The following MAP3K19 variants were observed in gnomAD, a reference collection of about 807,000 sequenced individuals.
The protein encoded by MAP3K19 is SPS1/STE20-related protein kinase YSK4.
In MAP3K19, 91 loss-of-function variants were observed where a neutral mutation model predicts 114.4. That is an observed-to-expected ratio of 0.80 (90% confidence interval 0.67 to 0.95). The LOEUF (loss-of-function observed/expected upper bound fraction) is 0.95. MAP3K19 is among the 40% of genes least tolerant of loss of function. The pLI is 0.00. For synonymous variants in MAP3K19, 518 were observed against 530.5 expected, an observed-to-expected ratio of 0.98 and a Z score of 0.32; for missense variants, 1,471 against 1,573.2, an observed-to-expected ratio of 0.94 and a Z score of 1.10.
chr2:135,030,890 C>T (rs959374027), intron 2 of MAP3K19, among the ~76,000 whole-genome samples: 2 of 152,142 alleles, frequency 1.3e-5, no homozygotes, highest in Admixed American at 1.3e-4. Flanking sequence ...CTGTGAATAG[C>T]CACTGCACTC....
chr2:135,007,932 G>T lies in MAP3K19; in HGVS notation c.139-2401C>A, dbSNP rs58916650. 4.3e-3 allele frequency among the ~76,000 whole-genome samples: 658 copies of T among 152,192 alleles called. 4 individuals are homozygous for T. Among genetic ancestry groups the T allele is most frequent in the African/African-American group, 0.015 (632 of 41,492 alleles). On this transcript the variant is annotated intron_variant, in intron 5 of 12. Coordinates refer to ENST00000392915, the MANE Select transcript of MAP3K19 (RefSeq NM_025052.5). ...ACCTGACAACCAAAGAGCAAACACT[G>T]TTAACACAGGAATCATATTTTCTTT...
At chr2:135,021,889 G>A in intron 4 of MAP3K19, 59 bp from the exon 5 acceptor site, 1 of 1,075,884 alleles carries the variant, frequency 9.3e-7, no homozygotes, top group Non-Finnish European at 1.4e-6. Flanking sequence ...AATTTCAAAA[G>A]AAGATCTAGC....
At chr2:134,965,451 T>A (rs1298316793) in intron 12 of MAP3K19, among the ~76,000 whole-genome samples, 1 of 152,246 alleles carries the variant, frequency 6.6e-6, no homozygotes, top group Non-Finnish European at 1.5e-5. Flanking sequence ...AGTACTATTG[T>A]GGCATAGTTT....
intron 5 of MAP3K19, among the ~76,000 whole-genome samples, chr2:135,009,189 T>G (rs1456339005): frequency 6.6e-6 from 1 of 151,346 alleles, no homozygotes; most frequent in African/African-American, 2.4e-5. Flanking sequence ...GGTCTCGATC[T>G]CCTGATCTCA....
In MAP3K19 at chr2:134,998,936, T is replaced by A. The variant is rs6715812; in HGVS notation, c.376A>T (p.Ile126Leu). The A allele has an allele frequency of 1.7e-3, 2,726 of 1,614,224 alleles. 33 individuals carry two copies. The African/African-American group carries it at 0.028, about 16-fold the overall frequency. The change falls in exon 8 of 13, where the codon ATA becomes TTA. Residue 126 changes from isoleucine to leucine, a missense_variant. Ile to Leu is a conservative substitution (Grantham distance 5). Coordinates refer to ENST00000392915, the MANE Select transcript of MAP3K19 (RefSeq NM_025052.5). ...QAHAVSHPNE[I>L]ETVELRKKKL... ...TTTTTCCTGAGCTCCACCGTTTCTA[T>A]TTCATTTGGATGAGAAACTGCATGT... is the stretch of plus-strand genomic sequence containing the variant.
chr2:135,037,415 T>C (rs1688556758), intron 2 of MAP3K19, among the ~76,000 whole-genome samples: 1 of 152,340 alleles, frequency 6.6e-6, no homozygotes, highest in Admixed American at 6.5e-5. Flanking sequence ...GGAGTTCTGT[T>C]GACAGTAGCT....
intron 2 of MAP3K19, among the ~76,000 whole-genome samples, chr2:135,040,065 G>A (rs1372790506): frequency 6.6e-6 from 1 of 152,182 alleles, no homozygotes; most frequent in African/African-American, 2.4e-5. Context: ...GGTCCATCAT[G>A]TGGCGCCATT....
chr2:135,031,191 G>A (rs74610439), intron 2 of MAP3K19, among the ~76,000 whole-genome samples: 1 of 151,748 alleles, frequency 6.6e-6, no homozygotes, highest in Middle Eastern at 3.2e-3. Context: ...GCAACATGGG[G>A]TGATAAATGT....
intron 9 of MAP3K19, among the ~76,000 whole-genome samples, chr2:134,988,871 T>C (rs985580583): frequency 2.6e-5 from 4 of 152,192 alleles, no homozygotes; most frequent in African/African-American, 9.7e-5. Flanking sequence ...ATTTCTCTTC[T>C]TTTTTCTTTT....
At chr2:135,013,312 A>C (rs1421957538) in intron 5 of MAP3K19, among the ~76,000 whole-genome samples, 11 of 133,092 alleles carry the variant, frequency 8.3e-5, no homozygotes, top group South Asian at 2.5e-4. Context: ...AGTCCGTCCC[A>C]AAAAAAAAAA....
rs78483253 is a variant in MAP3K19, at chr2:134,997,146, C to T, written c.574+1592G>A. On this transcript the variant is annotated intron_variant, in intron 8 of 12. Transcript: ENST00000392915. Reference sequence around the variant, plus strand: ...AATTTCAAGGAACAAGAGTCTAGGTCCACTTCAAGTCCAGATTTCTTATGA... The same window carrying T: ...AATTTCAAGGAACAAGAGTCTAGGTTCACTTCAAGTCCAGATTTCTTATGA... 3.6e-3 allele frequency among the ~76,000 whole-genome samples: 545 copies of T among 152,278 alleles called. 4 individuals carry two copies. Among genetic ancestry groups the T allele is most frequent in the African/African-American group, 0.013 (526 of 41,558 alleles).
Position 135,007,558 on chromosome 2 carries a change from T to C in MAP3K19, c.139-2027A>G, listed in dbSNP as rs148092595. 3.2e-4 allele frequency among the ~76,000 whole-genome samples: 48 copies of C among 152,156 alleles called. 1 individual carries two copies. Among genetic ancestry groups the C allele is most frequent in the African/African-American group, 1.1e-3 (44 of 41,522 alleles). On this transcript the variant is annotated intron_variant, in intron 5 of 12. Coordinates refer to ENST00000392915, the MANE Select transcript of MAP3K19 (RefSeq NM_025052.5). ...TTTTTCTTTTTGTTCTCTCATTGGG[T>C]TGATTATTCATTCTTTCTAGCTATT...
intron 8 of MAP3K19, among the ~76,000 whole-genome samples, chr2:134,997,787 C>G: frequency 8.1e-6 from 1 of 124,006 alleles, no homozygotes; most frequent in East Asian, 2.6e-4. Flanking sequence ...CCACTGTGCT[C>G]CAGCCTGGTG....
chr2:135,008,884 T>A (rs956169548), intron 5 of MAP3K19, among the ~76,000 whole-genome samples: 3 of 152,152 alleles, frequency 2.0e-5, no homozygotes, highest in Admixed American at 1.3e-4. Flanking sequence ...GCTCAGGTGA[T>A]CCTCCCACCT....
At chr2:134,969,826 C>T (rs934622875) in intron 12 of MAP3K19, among the ~76,000 whole-genome samples, 12 of 152,178 alleles carry the variant, frequency 7.9e-5, no homozygotes, top group African/African-American at 2.9e-4. Flanking sequence ...GGTCTAACTT[C>T]GTTCATCTGC....
intron 8 of MAP3K19, among the ~76,000 whole-genome samples, chr2:134,998,178 C>T (rs975351938): frequency 1.3e-5 from 2 of 152,112 alleles, no homozygotes; most frequent in African/African-American, 4.8e-5. Flanking sequence ...AGGAATAAGG[C>T]TAACGTAGAC....
chr2:134,992,971 G>A (rs904197562), intron 8 of MAP3K19, among the ~76,000 whole-genome samples: 3 of 152,052 alleles, frequency 2.0e-5, no homozygotes, highest in Admixed American at 6.5e-5. Context: ...GAGCCACCGC[G>A]CCCAACCCAA....
chr2:134,982,546 T>C (rs1184828277), intron 11 of MAP3K19, among the ~76,000 whole-genome samples: 2 of 151,808 alleles, frequency 1.3e-5, no homozygotes, highest in East Asian at 3.9e-4. Flanking sequence ...AGACGGGGTT[T>C]TACCATATGG....
Position 134,985,886 on chromosome 2 carries a change from C to T in MAP3K19, c.2986G>A (p.Asp996Asn), listed in dbSNP as rs1388692570. Reference protein sequence around the residue: ...NSCQKMANETDPENLNLVLRW... With the variant: ...NSCQKMANETNPENLNLVLRW... ...AGGACAAGATTTAGGTTTTCAGGAT[C>T]TGTTTCATTTGCCATTTTTTGGCAA... Residue 996 changes from aspartate (D) to asparagine (N), a missense_variant, in exon 10 of 13, where the codon GAT becomes AAT. Coordinates refer to ENST00000392915, the MANE Select transcript of MAP3K19 (RefSeq NM_025052.5). The T allele has an allele frequency of 6.2e-7, 1 of 1,614,010 alleles. No homozygotes were observed. The highest frequency in any genetic ancestry group is 2.2e-5 in the East Asian group (1 of 44,850).
Sources: allele counts gnomAD v4.1 joint callset (sites outside exome capture counted in the v4.1 genomes callset), GRCh38; gene constraint gnomAD v4.1.1; transcripts MANE v1.5; gene names NCBI Gene and HGNC (gene_info 2026-07-23, HGNC 2026-07-21).